The following RSPO4 variants were observed in gnomAD, a reference collection of about 807,000 sequenced individuals.
RSPO4 encodes R-spondin 4, also known as R-spondin-4.
Under a neutral mutation model 24.8 loss-of-function variants are expected in RSPO4, and 23 were observed. The observed-to-expected ratio is 0.93, with a 90% confidence interval of 0.67 to 1.31. RSPO4 has a LOEUF of 1.31. RSPO4 is among the 40% of genes most tolerant of loss of function. The pLI is 0.00. For synonymous variants in RSPO4, 141 were observed against 127.4 expected (o/e 1.11, Z -0.72); for missense variants, 333 against 316.5 (o/e 1.05, Z -0.39).
intron 1 of RSPO4, among the ~76,000 whole-genome samples, chr20:987,060 A>C (rs182097965): frequency 5.9e-5 from 9 of 152,308 alleles, no homozygotes; most frequent in Non-Finnish European, 1.3e-4. Flanking sequence ...TTTTACAGGA[A>C]GTGTCCTGAG....
rs956040948 is a variant in RSPO4 at position 964,026 on chromosome 20, T to A, written c.504A>T (p.Arg168=). ...CCTCATGCCCAGCCCGGCCAGCCTC[T>A]CGTACCCGGCTCTCCAGGCCCCAAG... The part of the protein sequence containing the change: ...GSAWGLESRV[R]EAGRAGHEEA... Residue 168 remains arginine (R), a synonymous_variant, in exon 4 of 5, where the codon CGA becomes CGT. Transcript: ENST00000217260. The A allele has an allele frequency of 1.2e-6, 2 of 1,613,650 alleles. No homozygotes were observed. Among genetic ancestry groups the A allele is most frequent in the African/African-American group, 2.7e-5 (2 of 74,928 alleles).
intron 1 of RSPO4, among the ~76,000 whole-genome samples, chr20:998,069 G>A (rs1985350469): frequency 6.6e-6 from 1 of 152,208 alleles, no homozygotes; most frequent in East Asian, 1.9e-4. Context: ...TTCACAGATG[G>A]GGAAGCACGG....
At chr20:996,076 T>C (rs1019495933) in intron 1 of RSPO4, among the ~76,000 whole-genome samples, 2 of 152,194 alleles carry the variant, frequency 1.3e-5, no homozygotes, top group African/African-American at 2.4e-5. Flanking sequence ...TTTGGATGTT[T>C]TTGTGTTGCC....
intron 1 of RSPO4, among the ~76,000 whole-genome samples, chr20:989,830 C>T (rs943873016): frequency 6.6e-6 from 1 of 152,224 alleles, no homozygotes; most frequent in Admixed American, 6.5e-5. Context: ...TGTCCTACCC[C>T]ACCCCCAGCT....
chr20:968,068 G>A lies in RSPO4; in HGVS notation c.150C>T (p.Cys50=). ...ICSEENGCST[C]QQRLFLFIRR... ...GGATGAACAGGAAGAGCCTCTGCTG[G>A]CAGGTGGAACAGCCGTTCTCCTCTG... Residue 50 remains cysteine (C), a synonymous_variant, in exon 2 of 5, where the codon TGC becomes TGT. Coordinates refer to ENST00000217260, the MANE Select transcript of RSPO4 (RefSeq NM_001029871.4). 1 of 1,614,216 alleles carries A rather than the reference G, an allele frequency of 6.2e-7. No homozygotes were observed.
intron 1 of RSPO4, among the ~76,000 whole-genome samples, chr20:991,396 G>A (rs2122263512): frequency 1.3e-5 from 2 of 152,186 alleles, no homozygotes; most frequent in African/African-American, 4.8e-5. Flanking sequence ...ACTCTCCAAA[G>A]GTGAGGACTC....
rs1984263593 is a variant in RSPO4, at chr20:967,841, A to C, written c.268+109T>G. On this transcript the variant is annotated intron_variant, in intron 2 of 4. Transcript: ENST00000217260. The stretch of plus-strand genomic sequence containing the variant: ...GGCAGGTATCTCAGAGTCTGGGCTT[A>C]GACATGCACCTACTTCCCCTCTGTC... 7 of 1,135,538 alleles carry C rather than the reference A, an allele frequency of 6.2e-6. No homozygotes were observed. The Admixed American group carries it at 1.2e-4, about 19-fold the overall frequency. The allele number at this position is 1,135,538 out of a possible 1,614,324, so 70.3% of individuals were successfully genotyped here. A position where few individuals can be genotyped will look rare whatever the true frequency, so the allele number is the denominator to read the frequency against.
In RSPO4 at chr20:981,016, G is replaced by A. The variant is rs567172921; in HGVS notation, c.80-12878C>T. Among the ~76,000 whole-genome samples, 32 of 152,294 alleles carry A rather than the reference G, an allele frequency of 2.1e-4. 1 individual carries two copies. Among genetic ancestry groups the A allele is most frequent in the African/African-American group, 6.5e-4 (27 of 41,542 alleles). On this transcript the variant is annotated intron_variant, in intron 1 of 4. Transcript: ENST00000217260. The surrounding 1 kb of genome is among the most constrained non-coding windows in gnomAD (Gnocchi z 4.6). ...GGAATGGGGCCAGAGGTGCTGGCCCGAGAACTCACTTTAAGAAGCGAGGCG... is the reference window on the plus strand; with the variant it reads ...GGAATGGGGCCAGAGGTGCTGGCCCAAGAACTCACTTTAAGAAGCGAGGCG...
intron 1 of RSPO4, among the ~76,000 whole-genome samples, chr20:998,803 T>C (rs906553127): frequency 6.6e-6 from 1 of 152,056 alleles, no homozygotes; most frequent in African/African-American, 2.4e-5. Context: ...AATGAACAAG[T>C]GAATGAATGA....
chr20:989,742 G>T lies in RSPO4; in HGVS notation c.79+12344C>A, dbSNP rs914643190. ...TTAGTGGGCCTCAGTTTCCTCATCC[G>T]CGAAGTGGAAACCATAACCCTTCTT... On this transcript the variant is annotated intron_variant, in intron 1 of 4. Transcript: ENST00000217260. Among the ~76,000 whole-genome samples, 3 of 152,292 alleles carry T rather than the reference G, an allele frequency of 2.0e-5. No individual in the cohort carries two copies. In the East Asian group the frequency reaches 5.8e-4, roughly 29 times the overall value.
At chr20:995,114 T>C (rs1450353878) in intron 1 of RSPO4, among the ~76,000 whole-genome samples, 2 of 152,228 alleles carry the variant, frequency 1.3e-5, no homozygotes, top group Non-Finnish European at 1.5e-5. Flanking sequence ...TTACAAGGAT[T>C]GGTCTCAAAG....
chr20:976,635 T>C (rs1490003433), intron 1 of RSPO4, among the ~76,000 whole-genome samples: 5 of 152,000 alleles, frequency 3.3e-5, no homozygotes, highest in Admixed American at 2.0e-4. Context: ...ATGCCTTCCA[T>C]CTGCCTTCAC....
At chr20:960,564 C>T in intron 4 of RSPO4, 98 bp from the exon 5 acceptor site, 1 of 858,818 alleles carries the variant, frequency 1.2e-6, no homozygotes, top group South Asian at 1.4e-5. Flanking sequence ...CCCACCCACT[C>T]CCCAACAACG....
chr20:963,913 G>A (rs775642882), intron 4 of RSPO4, 22 bp downstream of exon 4: 20 of 1,612,140 alleles, frequency 1.2e-5, no homozygotes, highest in East Asian at 4.5e-5. Context: ...CCGCAGCCTC[G>A]TGTGCCTGTC....
chr20:971,137 T>C (rs1011467456), intron 1 of RSPO4, among the ~76,000 whole-genome samples: 34 of 152,248 alleles, frequency 2.2e-4, no homozygotes, highest in Admixed American at 8.5e-4. Flanking sequence ...CCACCACGAC[T>C]GGCCTGATGT....
At chr20:966,096 A>G (rs994711864) in intron 3 of RSPO4, among the ~76,000 whole-genome samples, 1 of 152,048 alleles carries the variant, frequency 6.6e-6, no homozygotes. Context: ...GAAAGAAGGC[A>G]CCCAGAGGGC....
chr20:999,876 T>C (rs1345916623), intron 1 of RSPO4, among the ~76,000 whole-genome samples: 1 of 152,082 alleles, frequency 6.6e-6, no homozygotes, highest in African/African-American at 2.4e-5. Context: ...TTTGTTGTTG[T>C]TGTTGTTGTT....
At chr20:987,692 G>A (rs1290452614) in intron 1 of RSPO4, among the ~76,000 whole-genome samples, 2 of 152,172 alleles carry the variant, frequency 1.3e-5, no homozygotes, top group African/African-American at 4.8e-5. Context: ...TCAGGAGGCT[G>A]AGGTGGGAGG....
intron 3 of RSPO4, among the ~76,000 whole-genome samples, chr20:964,761 TATAC>T (rs200189132): frequency 0.032 from 4,239 of 132,332 alleles, 170 homozygotes; most frequent in African/African-American, 0.12. Context: ...TACACATATA[TATAC>T]ACACACACAC....
Sources: allele counts gnomAD v4.1 joint callset (sites outside exome capture counted in the v4.1 genomes callset), GRCh38; gene constraint gnomAD v4.1.1; non-coding constraint Gnocchi (gnomAD v3.1); transcripts MANE v1.5; gene names NCBI Gene and HGNC (gene_info 2026-07-23, HGNC 2026-07-21).